The following PSME4 variants were observed in gnomAD, a reference collection of about 807,000 sequenced individuals.
PSME4 encodes proteasome activator complex subunit 4.
A neutral mutation model predicts 253.9 loss-of-function variants in PSME4; 89 were observed. The ratio of observed to expected loss-of-function variants is 0.35; its 90% CI spans 0.30 to 0.42. PSME4 has a LOEUF of 0.42. Ranked by LOEUF, PSME4 falls within the 10% of genes least tolerant of loss-of-function variation. The probability of loss-of-function intolerance (pLI) is 1.00; values close to 1 mark genes in which losing one functional copy is unlikely to be tolerated. For missense variants in PSME4, 2,014 were observed against 2,195.2 expected, an observed-to-expected ratio of 0.92 and a Z score of 1.65; for synonymous variants, 851 against 759.2, an observed-to-expected ratio of 1.12 and a Z score of -1.99.
chr2:53,930,791 A>G (rs1668795077), intron 10 of PSME4, among the ~76,000 whole-genome samples: 1 of 152,218 alleles, frequency 6.6e-6, no homozygotes, highest in Non-Finnish European at 1.5e-5. Flanking sequence ...TTCTACCACT[A>G]GGGACCTTGG....
intron 4 of PSME4, among the ~76,000 whole-genome samples, chr2:53,938,700 G>A (rs1282791306): frequency 6.6e-6 from 1 of 151,976 alleles, no homozygotes; most frequent in Non-Finnish European, 1.5e-5. Flanking sequence ...TATAGGCTTG[G>A]CCCACACAGC....
chr2:53,969,676 T>C (rs1670941599), intron 1 of PSME4, among the ~76,000 whole-genome samples: 1 of 147,242 alleles, frequency 6.8e-6, no homozygotes. Flanking sequence ...TCCCCCACTG[T>C]ATTTTCACTC....
intron 17 of PSME4, among the ~76,000 whole-genome samples, chr2:53,921,761 G>A (rs1668332776): frequency 7.1e-6 from 1 of 140,044 alleles, no homozygotes; most frequent in Non-Finnish European, 1.6e-5. Flanking sequence ...CCAGCTACTT[G>A]GGAGGCTGAG....
intron 32 of PSME4, among the ~76,000 whole-genome samples, chr2:53,896,554 A>C (rs896893495): frequency 1.3e-5 from 2 of 152,218 alleles, no homozygotes; most frequent in African/African-American, 4.8e-5. Context: ...TTTGAAATAC[A>C]GTTGATAAAA....
chr2:53,889,152 A>G (rs1679776307), intron 37 of PSME4, among the ~76,000 whole-genome samples: 2 of 152,226 alleles, frequency 1.3e-5, no homozygotes, highest in Admixed American at 1.3e-4. Context: ...GTTGAGAGCT[A>G]GTGCACCCAG....
At chr2:53,917,480 G>A (rs543310642) in intron 20 of PSME4, among the ~76,000 whole-genome samples, 2 of 152,208 alleles carry the variant, frequency 1.3e-5, no homozygotes, top group African/African-American at 4.8e-5. Context: ...CTATTACAGT[G>A]TACATGGCAT....
At position 53,885,566 on chromosome 2, in the gene PSME4, T is replaced by C. The variant is rs1010843787; in HGVS notation, c.4815+124A>G. The C allele has an allele frequency of 6.7e-5, 42 of 623,320 alleles. No individual in the cohort carries two copies. The African/African-American group carries it at 6.8e-4, about 10-fold the overall frequency. The allele number at this position is 623,320 out of a possible 1,614,324, so 38.6% of individuals were successfully genotyped here. ...TCACCTAATGATTTTCCTGTGACCA[T>C]TCTACTTTTCAGAGATCCAATCAAA... On this transcript the variant is annotated intron_variant, in intron 41 of 46. Coordinates refer to ENST00000404125, the MANE Select transcript of PSME4 (RefSeq NM_014614.3).
chr2:53,930,851 T>C (rs1288555205), intron 10 of PSME4, among the ~76,000 whole-genome samples: 2 of 152,220 alleles, frequency 1.3e-5, no homozygotes, highest in Non-Finnish European at 2.9e-5. Context: ...TTCTAAAAAC[T>C]AACATTCCTC....
chr2:53,966,108 A>C (rs1334391920), intron 1 of PSME4, among the ~76,000 whole-genome samples: 5 of 151,906 alleles, frequency 3.3e-5, no homozygotes, highest in Non-Finnish European at 7.4e-5. Flanking sequence ...AACATGGCAA[A>C]ACCCCCTCTC....
chr2:53,955,014 T>TA (rs551712780), intron 1 of PSME4, among the ~76,000 whole-genome samples: 267 of 151,164 alleles, frequency 1.8e-3, no homozygotes, highest in African/African-American at 6.0e-3. Context: ...CCCGTCTCTA[T>TA]AAAAAAAATC....
chr2:53,946,730 G>A (rs920030929), intron 3 of PSME4, among the ~76,000 whole-genome samples: 1 of 152,072 alleles, frequency 6.6e-6, no homozygotes, highest in African/African-American at 2.4e-5. Flanking sequence ...ACCCTGTGTA[G>A]AGACCCTGTC....
chr2:53,924,897 GACA>G (rs1328826455), intron 14 of PSME4, among the ~76,000 whole-genome samples: 1 of 152,218 alleles, frequency 6.6e-6, no homozygotes, highest in East Asian at 1.9e-4. Flanking sequence ...AACCTATGGT[GACA>G]ACATTTTCAT....
At chr2:53,940,786 G>A (rs1420677093) in intron 3 of PSME4, among the ~76,000 whole-genome samples, 1 of 147,678 alleles carries the variant, frequency 6.8e-6, no homozygotes, top group Non-Finnish European at 1.5e-5. Context: ...TTTAAAATAC[G>A]TGTGTGACTA....
intron 19 of PSME4, 105 bp downstream of exon 19, chr2:53,920,088 T>G: frequency 9.5e-7 from 1 of 1,055,692 alleles, no homozygotes; most frequent in Non-Finnish European, 1.3e-6. Context: ...TAGCAGATTT[T>G]CAAAACACAA....
At chr2:53,957,695 TAA>T (rs1670298300) in intron 1 of PSME4, among the ~76,000 whole-genome samples, 1 of 152,098 alleles carries the variant, frequency 6.6e-6, no homozygotes, top group African/African-American at 2.4e-5. Context: ...ATAAGCAGAG[TAA>T]AATGTTTAAG....
chr2:53,897,965 G>T lies in PSME4; in HGVS notation c.3511C>A (p.Leu1171Met), dbSNP rs1262764996. 3.7e-6 allele frequency: 6 copies of T among 1,613,590 alleles called. No individual in the cohort carries two copies. In the Admixed American group the frequency reaches 6.7e-5, roughly 18 times the overall value. The change falls in exon 31 of 47, where the codon CTG becomes ATG. Residue 1171 changes from leucine to methionine, a missense_variant. Leu to Met is a conservative substitution (Grantham distance 15). Around this residue, in one of 4 missense-constraint regions of PSME4, gnomAD observed 989 missense variants for 1,021.1 expected, o/e 0.97. Coordinates refer to ENST00000404125, the MANE Select transcript of PSME4 (RefSeq NM_014614.3). ...CGGTCATCTCTCAGCAGTAGAGACA[G>T]AAGCCCAATGCCTATATGTTCAAAT... is the stretch of plus-strand genomic sequence containing the variant. ...WKFEHIGIGL[L>M]SLLLRDDRVL...
chr2:53,927,620 T>C (rs1369923591), intron 11 of PSME4, 137 bp from the exon 12 acceptor site: 2 of 702,824 alleles, frequency 2.8e-6, no homozygotes, highest in Non-Finnish European at 5.0e-6. Context: ...GTATTCCTCA[T>C]TTAGAATTGA....
chr2:53,866,959 T>C, intron 44 of PSME4, 79 bp from the exon 45 acceptor site: 1 of 1,377,818 alleles, frequency 7.3e-7, no homozygotes, highest in Non-Finnish European at 9.9e-7. Context: ...AAATTAGTTT[T>C]CAATTGTGTT....
rs536588765 is a variant in PSME4, at chr2:53,879,139, G to T, written c.4816-3384C>A. On this transcript the variant is annotated intron_variant, in intron 41 of 46. Coordinates refer to ENST00000404125, the MANE Select transcript of PSME4 (RefSeq NM_014614.3). ...AAAGAACCTATGTGAAATATTGGGGGTGAATTTCCCCCAATACTGGCAATG... is the reference window on the plus strand; with the variant it reads ...AAAGAACCTATGTGAAATATTGGGGTTGAATTTCCCCCAATACTGGCAATG... Among the ~76,000 whole-genome samples the T allele has an allele frequency of 2.0e-5, 3 of 152,284 alleles. No homozygotes were observed. The East Asian group carries it at 5.8e-4, about 29-fold the overall frequency.
Sources: gnomAD v4.1 joint callset for allele counts (sites outside exome capture counted in the v4.1 genomes callset) on GRCh38, gnomAD v4.1.1 for gene constraint, gnomAD v4.1.1 regional missense constraint, MANE v1.5 for transcripts, NCBI Gene and HGNC (gene_info 2026-07-23, HGNC 2026-07-21) for gene names.